The following DZIP3 variants were observed in gnomAD, a reference collection of about 807,000 sequenced individuals.
The protein encoded by DZIP3 is E3 ubiquitin-protein ligase DZIP3.
Under a neutral mutation model 162.0 loss-of-function variants are expected in DZIP3, and 118 were observed. The observed-to-expected ratio is 0.73, with a 90% CI of 0.63 to 0.85. DZIP3 has a LOEUF of 0.85. Ranked by LOEUF, DZIP3 falls within the 40% of genes least tolerant of loss-of-function variation. DZIP3 has a pLI of 0.00. For synonymous variants in DZIP3, 438 were observed against 458.6 expected, an observed-to-expected ratio of 0.96 and a Z score of 0.57; for missense variants, 1,331 against 1,407.0, an observed-to-expected ratio of 0.95 and a Z score of 0.86.
chr3:108,605,917 G>A (rs377622938), intron 2 of DZIP3, among the ~76,000 whole-genome samples: 6 of 152,198 alleles, frequency 3.9e-5, no homozygotes, highest in African/African-American at 1.4e-4. Context: ...ATTTCAGCAA[G>A]TTTGGTTAGT....
Position 108,654,605 on chromosome 3 carries a change from G to GA in DZIP3, c.2199+304dup, listed in dbSNP as rs201627363. Among the ~76,000 whole-genome samples the GA allele has an allele frequency of 1.3e-3, 199 of 148,734 alleles. 1 individual carries two copies. In the Middle Eastern group the frequency reaches 0.014, roughly 10 times the overall value. On this transcript the variant is annotated intron_variant, in intron 19 of 32. Transcript: ENST00000361582. The stretch of plus-strand genomic sequence containing the variant: ...CAAACGTTTTTCGAATACCACAAAG[G>GA]AAAAAAAAAGACTAGCATAATCCTA...
At chr3:108,651,731 CT>C (rs1189672255) in intron 18 of DZIP3, among the ~76,000 whole-genome samples, 2 of 151,630 alleles carry the variant, frequency 1.3e-5, no homozygotes, top group African/African-American at 4.8e-5. Flanking sequence ...AAAATAATCA[CT>C]GTATTTTGCA....
chr3:108,632,915 A>T, intron 8 of DZIP3, 38 bp from the exon 9 acceptor site: 1 of 1,181,418 alleles, frequency 8.5e-7, no homozygotes, highest in Non-Finnish European at 1.1e-6. Flanking sequence ...ATTTATTATT[A>T]GTAATTCATG....
Position 108,662,196 on chromosome 3 carries a change from A to T in DZIP3, c.2362A>T (p.Lys788Ter). Residue 788 changes from lysine to a stop codon, truncating the protein, a stop_gained, in exon 21 of 33, where the codon AAA (lysine) becomes TAA (stop). Transcript: ENST00000361582. LOFTEE classifies it high-confidence loss of function. ...WQENQMQIKK[K>*]DKIIASLNQQ... ...AGAAAACCAAATGCAGATTAAAAAG[A>T]AAGACAAAATTATCGCATCTCTTAA... 3.7e-6 allele frequency: 6 copies of T among 1,610,476 alleles called. No homozygotes were observed. Among genetic ancestry groups the T allele is most frequent in the Non-Finnish European group, 3.4e-6 (4 of 1,179,120 alleles).
chr3:108,644,738 A>G lies in DZIP3; in HGVS notation c.1716A>G (p.Pro572=), dbSNP rs1181735278. Residue 572 remains proline (P), a synonymous_variant, in exon 14 of 33, where the codon CCA becomes CCG. Coordinates refer to ENST00000361582, the MANE Select transcript of DZIP3 (RefSeq NM_014648.4). ...AGCTATCTGTCTACCTAGGCATACC[A>G]GTACCAGAAATCATACAGAGGATGT... is the stretch of plus-strand genomic sequence containing the variant. ...YHQLSVYLGI[P]VPEIIQRMLS... is the part of the protein sequence containing the mutation. 1 of 1,608,764 alleles carries G rather than the reference A, an allele frequency of 6.2e-7. No homozygotes were observed. The highest frequency in any genetic ancestry group is 1.7e-5 in the Admixed American group (1 of 59,992).
Position 108,686,556 on chromosome 3 carries a change from C to T in DZIP3, c.3121C>T (p.Leu1041=). The change falls in exon 28 of 33, where the codon CTG becomes TTG. Residue 1041 remains leucine, a synonymous_variant. Coordinates refer to ENST00000361582, the MANE Select transcript of DZIP3 (RefSeq NM_014648.4). ...GAATTGGGAGAGAATTACAGACAGG[C>T]TGAAAACTGCCTTTCCACAGCAAAC... The part of the protein sequence containing the change: ...IMNWERITDR[L]KTAFPQQTRK... The T allele has an allele frequency of 1.9e-6, 3 of 1,609,978 alleles. No individual in the cohort carries two copies. Among genetic ancestry groups the T allele is most frequent in the Non-Finnish European group, 2.5e-6 (3 of 1,178,686 alleles).
chr3:108,673,247 C>T (rs754931079), intron 23 of DZIP3, among the ~76,000 whole-genome samples: 1 of 151,830 alleles, frequency 6.6e-6, no homozygotes, highest in Non-Finnish European at 1.5e-5. Context: ...AACCTTACAC[C>T]TCTGTCATGG....
chr3:108,616,499 G>A lies in DZIP3; in HGVS notation c.259-42G>A, dbSNP rs369717532. The A allele has an allele frequency of 4.5e-6, 6 of 1,341,508 alleles. No homozygotes were observed. The East Asian group carries it at 7.1e-5, about 16-fold the overall frequency. 83.1% of individuals were successfully genotyped at this position (1,341,508 alleles called of 1,614,324 possible). A position where few individuals can be genotyped will look rare whatever the true frequency, so the allele number is the denominator to read the frequency against. On this transcript the variant is annotated intron_variant, in intron 4 of 32. Coordinates refer to ENST00000361582, the MANE Select transcript of DZIP3 (RefSeq NM_014648.4). ...ATAATGTAAACATATGTAGATGTTT[G>A]TTCAGACTTATAGACATTTTTAACT...
At chr3:108,642,988 C>A (rs529546394) in intron 13 of DZIP3, among the ~76,000 whole-genome samples, 1 of 152,274 alleles carries the variant, frequency 6.6e-6, no homozygotes. Context: ...AATTAAGGGA[C>A]CCTGGGCCCA....
chr3:108,606,884 T>G (rs1348681121), intron 2 of DZIP3, among the ~76,000 whole-genome samples: 5 of 152,250 alleles, frequency 3.3e-5, no homozygotes, highest in Middle Eastern at 6.8e-3. Context: ...CACAGTTGAT[T>G]TTAATATGTA....
chr3:108,614,962 A>G (rs999955439), intron 4 of DZIP3, among the ~76,000 whole-genome samples: 1 of 152,200 alleles, frequency 6.6e-6, no homozygotes, highest in East Asian at 1.9e-4. Flanking sequence ...TTCCATTGAA[A>G]TCCTTTAATT....
At chr3:108,608,267 G>A in intron 3 of DZIP3, 109 bp downstream of exon 3, 1 of 819,322 alleles carries the variant, frequency 1.2e-6, no homozygotes. Context: ...AATTTTTTGA[G>A]TGAGCCTACT....
chr3:108,660,671 CA>C (rs1222257868), intron 19 of DZIP3, among the ~76,000 whole-genome samples: 1 of 152,086 alleles, frequency 6.6e-6, no homozygotes, highest in Admixed American at 6.5e-5. Context: ...TTCTGCACAG[CA>C]AAAGAAACTA....
chr3:108,652,969 CTTG>C (rs1942931853), intron 18 of DZIP3, among the ~76,000 whole-genome samples: 1 of 151,830 alleles, frequency 6.6e-6, no homozygotes, highest in African/African-American at 2.4e-5. Flanking sequence ...AGAAAGTATC[CTTG>C]TTGTTAAGCA....
At chr3:108,602,795 G>A (rs1007113662) in intron 1 of DZIP3, 3 of 152,174 alleles carry the variant, frequency 2.0e-5, no homozygotes, top group African/African-American at 7.2e-5. Flanking sequence ...AAGTGCTACT[G>A]CTGTTGCTAT....
At chr3:108,652,110 A>G (rs183300223) in intron 18 of DZIP3, among the ~76,000 whole-genome samples, 61 of 151,806 alleles carry the variant, frequency 4.0e-4, no homozygotes, top group African/African-American at 1.4e-3. Flanking sequence ...AAATGAAACA[A>G]TGTCATCAAT....
chr3:108,634,237 A>G (rs1409581538), intron 9 of DZIP3, among the ~76,000 whole-genome samples: 3 of 152,136 alleles, frequency 2.0e-5, no homozygotes, highest in Non-Finnish European at 2.9e-5. Flanking sequence ...TTTAGATGAC[A>G]TGGTGATATG....
intron 3 of DZIP3, among the ~76,000 whole-genome samples, chr3:108,610,880 T>A (rs1212918678): frequency 2.0e-5 from 3 of 152,264 alleles, no homozygotes; most frequent in Admixed American, 1.3e-4. Context: ...TATTAACAAC[T>A]ATTCATTTTC....
intron 2 of DZIP3, 51 bp from the exon 3 acceptor site, chr3:108,608,038 T>C: frequency 7.0e-7 from 1 of 1,432,746 alleles, no homozygotes; most frequent in Non-Finnish European, 9.8e-7. Context: ...CTACAATTTG[T>C]GTTCTTTGTG....
Sources: gnomAD v4.1 joint callset for allele counts (sites outside exome capture counted in the v4.1 genomes callset) on GRCh38, gnomAD v4.1.1 for gene constraint, MANE v1.5 for transcripts, NCBI Gene and HGNC (gene_info 2026-07-23, HGNC 2026-07-21) for gene names.